The following ADAMTS9 variants were observed in gnomAD, a reference collection of about 807,000 sequenced individuals.
The protein encoded by ADAMTS9 is A disintegrin and metalloproteinase with thrombospondin motifs 9.
In ADAMTS9, 107 loss-of-function variants were observed where a neutral mutation model predicts 257.1. The ratio of observed to expected loss-of-function variants is 0.42; its 90% CI spans 0.36 to 0.49. The LOEUF is 0.49. ADAMTS9 is among the 20% of genes least tolerant of loss of function. The probability of loss-of-function intolerance (pLI) is 0.03; values close to 1 mark genes in which losing one functional copy is unlikely to be tolerated. For missense variants in ADAMTS9, 2,353 were observed against 2,469.1 expected, an observed-to-expected ratio of 0.95 and a Z score of 1.00; for synonymous variants, 982 against 880.9, an observed-to-expected ratio of 1.11 and a Z score of -2.03.
chr3:64,591,992 A>C (rs2084269153), intron 28 of ADAMTS9, among the ~76,000 whole-genome samples: 1 of 152,190 alleles, frequency 6.6e-6, no homozygotes, highest in South Asian at 2.1e-4. Flanking sequence ...ACAATTACTG[A>C]GGTATGCTTA....
At chr3:64,584,373 G>A (rs1324364294) in intron 28 of ADAMTS9, among the ~76,000 whole-genome samples, 1 of 152,048 alleles carries the variant, frequency 6.6e-6, no homozygotes, top group Non-Finnish European at 1.5e-5. Flanking sequence ...ATGGGGAGGA[G>A]GGAGGAGGAG....
chr3:64,667,850 A>G (rs1701387812), intron 3 of ADAMTS9, among the ~76,000 whole-genome samples: 1 of 152,176 alleles, frequency 6.6e-6, no homozygotes, highest in Admixed American at 6.5e-5. Flanking sequence ...AGGAACTATT[A>G]CCTTCATTTC....
At position 64,607,090 on chromosome 3, in the gene ADAMTS9, G is replaced by C. The variant is rs761682578; in HGVS notation, c.3355-11C>G. On this transcript the variant is annotated splice_polypyrimidine_tract_variant and intron_variant, in intron 22 of 39. Coordinates refer to ENST00000498707, the MANE Select transcript of ADAMTS9 (RefSeq NM_182920.2). ...ACAAGTGACACTGCACTGGAAGAAG[G>C]AGGACAAAAGGTATATACAATTCAG... 4 of 1,613,138 alleles carry C rather than the reference G, an allele frequency of 2.5e-6. No individual in the cohort carries two copies. The highest frequency in any genetic ancestry group is 3.4e-6 in the Non-Finnish European group (4 of 1,179,634).
At chr3:64,576,472 G>A (rs1055891288) in intron 28 of ADAMTS9, among the ~76,000 whole-genome samples, 22 of 152,172 alleles carry the variant, frequency 1.4e-4, no homozygotes, top group African/African-American at 4.8e-4. Context: ...GAATGGCTCT[G>A]AACAGTGGCA....
At chr3:64,538,103 G>A (rs1328460274) in intron 37 of ADAMTS9, among the ~76,000 whole-genome samples, 3 of 152,188 alleles carry the variant, frequency 2.0e-5, no homozygotes, top group African/African-American at 7.2e-5. Context: ...AGGGGTAACA[G>A]GTTGAGTCAA....
chr3:64,649,596 G>T (rs146759400), intron 10 of ADAMTS9, 41 bp downstream of exon 10: 2 of 1,560,212 alleles, frequency 1.3e-6, no homozygotes, highest in Admixed American at 1.9e-5. Flanking sequence ...AAGAAGTGCA[G>T]AATCAGTAGA....
chr3:64,654,520 A>T, intron 7 of ADAMTS9, 52 bp downstream of exon 7: 1 of 1,498,682 alleles, frequency 6.7e-7, no homozygotes, highest in Non-Finnish European at 8.8e-7. Context: ...CTTGAAATAC[A>T]AACATGTAGT....
intron 26 of ADAMTS9, among the ~76,000 whole-genome samples, chr3:64,598,235 G>T (rs767845779): frequency 2.6e-5 from 4 of 151,496 alleles, no homozygotes; most frequent in Non-Finnish European, 5.9e-5. Context: ...AAAATATTTA[G>T]GTATTTTTCA....
chr3:64,543,272 C>T (rs1409730602), intron 32 of ADAMTS9, among the ~76,000 whole-genome samples: 2 of 152,176 alleles, frequency 1.3e-5, no homozygotes, highest in Non-Finnish European at 2.9e-5. Context: ...TTTTATGAGG[C>T]CAGCATCATT....
At chr3:64,554,658 C>T (rs2083308582) in intron 30 of ADAMTS9, among the ~76,000 whole-genome samples, 1 of 152,196 alleles carries the variant, frequency 6.6e-6, no homozygotes, top group African/African-American at 2.4e-5. Context: ...ATCTCTAACA[C>T]AAGTAACACC....
chr3:64,596,776 A>C, intron 27 of ADAMTS9, 54 bp downstream of exon 27: 2 of 1,600,138 alleles, frequency 1.2e-6, no homozygotes, highest in South Asian at 1.1e-5. Context: ...AATGATAAAT[A>C]CAGTTTGGTT....
At chr3:64,650,073 A>G (rs1700893967) in intron 9 of ADAMTS9, 1 of 279,040 alleles carries the variant, frequency 3.6e-6, no homozygotes, top group Admixed American at 5.2e-5. Context: ...ATCTTTCCCA[A>G]TAGACTGTAA....
At chr3:64,625,694 T>G (rs1323872196) in intron 16 of ADAMTS9, among the ~76,000 whole-genome samples, 1 of 152,178 alleles carries the variant, frequency 6.6e-6, no homozygotes, top group Non-Finnish European at 1.5e-5. Context: ...TCATCTGAAA[T>G]GACTGAGAAG....
intron 12 of ADAMTS9, among the ~76,000 whole-genome samples, chr3:64,636,242 C>T (rs1576145285): frequency 6.6e-6 from 1 of 152,014 alleles, no homozygotes; most frequent in Non-Finnish European, 1.5e-5. Context: ...TATAACATGG[C>T]AAGTAGTATT....
chr3:64,564,468 A>C (rs1395018781), intron 29 of ADAMTS9, among the ~76,000 whole-genome samples: 3 of 152,248 alleles, frequency 2.0e-5, no homozygotes, highest in African/African-American at 7.2e-5. Context: ...TTGAAAAACA[A>C]CTATATAAAC....
chr3:64,553,612 AC>A (rs1443501639), intron 30 of ADAMTS9, among the ~76,000 whole-genome samples: 1 of 152,022 alleles, frequency 6.6e-6, no homozygotes, highest in Admixed American at 6.6e-5. Context: ...TTCGTGAGCT[AC>A]CCTGTTCCTT....
intron 26 of ADAMTS9, among the ~76,000 whole-genome samples, chr3:64,600,436 A>G (rs1251882190): frequency 1.3e-5 from 2 of 152,210 alleles, no homozygotes; most frequent in Non-Finnish European, 1.5e-5. Flanking sequence ...AAGCTTACCT[A>G]ATCCTCCCTA....
intron 38 of ADAMTS9, among the ~76,000 whole-genome samples, chr3:64,523,598 G>C (rs1352386936): frequency 1.3e-5 from 2 of 152,194 alleles, no homozygotes; most frequent in Non-Finnish European, 1.5e-5. Flanking sequence ...TTGCGAAACT[G>C]TTAGATGTTT....
At chr3:64,621,021 G>A (rs4271906) in intron 19 of ADAMTS9, 93 bp downstream of exon 19, 19 of 1,447,314 alleles carry the variant, frequency 1.3e-5, no homozygotes, top group Non-Finnish European at 1.7e-5. Flanking sequence ...GGGAACTAAA[G>A]ACCAGCATCC....
Sources: allele counts gnomAD v4.1 joint callset (sites outside exome capture counted in the v4.1 genomes callset), GRCh38; gene constraint gnomAD v4.1.1; transcripts MANE v1.5; gene names NCBI Gene and HGNC (gene_info 2026-07-23, HGNC 2026-07-21).